The following TOMM20 variants were observed in gnomAD, a reference collection of about 807,000 sequenced individuals.
The protein encoded by TOMM20 is translocase of outer mitochondrial membrane 20.
TOMM20 carries 10 observed loss-of-function variants against 22.1 expected under a neutral mutation model. That is an observed-to-expected ratio of 0.45 (90% CI 0.28 to 0.77). TOMM20 has a LOEUF of 0.77. Among genes scored for constraint, TOMM20 ranks in the 30% least tolerant of loss-of-function variants. TOMM20 has a pLI of 0.13. For synonymous variants in TOMM20, 55 were observed against 61.4 expected (o/e 0.90, Z 0.49); for missense variants, 121 against 172.2 (o/e 0.70, Z 1.66).
At chr1:235,123,770 A>G (rs1244827039) in intron 1 of TOMM20, among the ~76,000 whole-genome samples, 1 of 152,244 alleles carries the variant, frequency 6.6e-6, no homozygotes, top group Non-Finnish European at 1.5e-5. Context: ...GGGAAAAAGG[A>G]TAAAGAACAT....
intron 3 of TOMM20, among the ~76,000 whole-genome samples, chr1:235,115,100 C>T (rs892908095): frequency 1.3e-5 from 2 of 151,724 alleles, no homozygotes; most frequent in Non-Finnish European, 2.9e-5. Flanking sequence ...TGGTCTCAAA[C>T]TCCTGGACTC....
At chr1:235,122,298 ATAATT>A in intron 2 of TOMM20, 23 bp downstream of exon 2, 2 of 1,466,620 alleles carry the variant, frequency 1.4e-6, no homozygotes, top group South Asian at 1.6e-5. Context: ...TACAAAATAT[ATAATT>A]TAAACAGAAA....
At chr1:235,122,237 C>T in intron 2 of TOMM20, 89 bp downstream of exon 2, 1 of 1,220,670 alleles carries the variant, frequency 8.2e-7, no homozygotes, top group Non-Finnish European at 1.1e-6. Flanking sequence ...CTAGCTTTTT[C>T]CAATTACATT....
At chr1:235,128,479 C>A in intron 1 of TOMM20, 116 bp downstream of exon 1, 2 of 1,526,722 alleles carry the variant, frequency 1.3e-6, no homozygotes, top group Non-Finnish European at 8.9e-7. Context: ...CTATTGAGGG[C>A]CGCACCACGC....
At chr1:235,118,248 C>T (rs1275494746) in intron 3 of TOMM20, among the ~76,000 whole-genome samples, 1 of 152,142 alleles carries the variant, frequency 6.6e-6, no homozygotes, top group East Asian at 1.9e-4. Context: ...ATAGCCAGAT[C>T]GTCGTAAGTG....
intron 1 of TOMM20, chr1:235,127,767 C>A: frequency 2.2e-6 from 1 of 454,452 alleles, no homozygotes; most frequent in South Asian, 1.6e-5. Context: ...CAACGGTTTT[C>A]ATGACACGAT....
At chr1:235,121,325 C>T (rs1412546337) in intron 2 of TOMM20, among the ~76,000 whole-genome samples, 1 of 152,158 alleles carries the variant, frequency 6.6e-6, no homozygotes, top group East Asian at 1.9e-4. Context: ...AAAGTGGAGA[C>T]ATCTTTCACA....
chr1:235,122,948 G>A (rs1274510773), intron 1 of TOMM20, among the ~76,000 whole-genome samples: 1 of 152,156 alleles, frequency 6.6e-6, no homozygotes, highest in Non-Finnish European at 1.5e-5. Flanking sequence ...TACACCTAAA[G>A]TGATAATCAC....
chr1:235,126,608 A>T lies in TOMM20; in HGVS notation c.121+1987T>A, dbSNP rs180807358. ...TCATGAAGTCAGGAGTTCGAGACCA[A>T]CCTGGCCAATATGGTGAAACCCTGT... On this transcript the variant is annotated intron_variant, in intron 1 of 4. Coordinates refer to ENST00000366607, the MANE Select transcript of TOMM20 (RefSeq NM_014765.3). Among the ~76,000 whole-genome samples, 651 of 151,732 alleles carry T rather than the reference A, an allele frequency of 4.3e-3. 4 individuals are homozygous for T. Among genetic ancestry groups the T allele is most frequent in the African/African-American group, 0.015 (629 of 41,418 alleles).
intron 1 of TOMM20, among the ~76,000 whole-genome samples, chr1:235,125,741 AC>A (rs1353261850): frequency 2.8e-5 from 4 of 145,074 alleles, no homozygotes; most frequent in Non-Finnish European, 4.5e-5. Context: ...ACGCAACTGC[AC>A]TTTTTTTTTT....
At chr1:235,114,143 T>C (rs1572126349) in intron 3 of TOMM20, among the ~76,000 whole-genome samples, 2 of 152,366 alleles carry the variant, frequency 1.3e-5, no homozygotes, top group East Asian at 3.9e-4. Flanking sequence ...AATCAATGTA[T>C]AAAAATGTCA....
At position 235,114,461 on chromosome 1, in the gene TOMM20, CAG is replaced by C. The variant is rs1258705531; in HGVS notation, c.251-553_251-552del. Among the ~76,000 whole-genome samples, 4 of 132,160 alleles carry C rather than the reference CAG, an allele frequency of 3.0e-5. No homozygotes were observed. In the East Asian group the frequency reaches 6.5e-4, roughly 21 times the overall value. The allele number at this position is 132,160 out of a possible 152,430, so 86.7% of individuals were successfully genotyped here. A position where few individuals can be genotyped will look rare whatever the true frequency, so the allele number is the denominator to read the frequency against. ...TTTCTTTTTTTTTTTTTTTTTGAGACAGAGTCTCGCTGTCACCCAGGCTGGAG... is the reference window on the plus strand; with the variant it reads ...TTTCTTTTTTTTTTTTTTTTTGAGACAGTCTCGCTGTCACCCAGGCTGGAG... On this transcript the variant is annotated intron_variant, in intron 3 of 4. Coordinates refer to ENST00000366607, the MANE Select transcript of TOMM20 (RefSeq NM_014765.3).
In TOMM20 at chr1:235,112,600, G is replaced by A. The variant is rs532930454; in HGVS notation, c.394-492C>T. ...GCTCAAATGAGTGCTAGGATTATAG[G>A]GCATGAGACACTGTGTACAGCCATC... On this transcript the variant is annotated intron_variant, in intron 4 of 4. Transcript: ENST00000366607. Among the ~76,000 whole-genome samples the A allele has an allele frequency of 2.6e-5, 4 of 152,046 alleles. No individual in the cohort carries two copies. In the South Asian group the frequency reaches 8.3e-4, roughly 32 times the overall value.
At chr1:235,113,375 C>T (rs577525047) in intron 4 of TOMM20, among the ~76,000 whole-genome samples, 2 of 152,232 alleles carry the variant, frequency 1.3e-5, no homozygotes, top group Admixed American at 1.3e-4. Context: ...CTAGAACCGA[C>T]GTTTAGGCCC....
At chr1:235,119,970 T>TA in intron 2 of TOMM20, 71 bp from the exon 3 acceptor site, 1 of 970,766 alleles carries the variant, frequency 1.0e-6, no homozygotes, top group South Asian at 2.1e-5. Context: ...CAGATATCAA[T>TA]AAAAATAAAA....
chr1:235,123,652 T>C (rs1660966144), intron 1 of TOMM20, among the ~76,000 whole-genome samples: 1 of 152,212 alleles, frequency 6.6e-6, no homozygotes, highest in Non-Finnish European at 1.5e-5. Context: ...ATTCTAGCCA[T>C]TTCAACAGAA....
Position 235,117,052 on chromosome 1 carries a change from A to G in TOMM20, c.250+2766T>C, listed in dbSNP as rs377288680. 2.5e-3 allele frequency among the ~76,000 whole-genome samples: 357 copies of G among 140,742 alleles called. 2 individuals carry two copies. Among genetic ancestry groups the G allele is most frequent in the African/African-American group, 7.9e-3 (297 of 37,806 alleles). 92.3% of individuals were successfully genotyped at this position (140,742 alleles called of 152,430 possible). A position where few individuals can be genotyped will look rare whatever the true frequency, so the allele number is the denominator to read the frequency against. On this transcript the variant is annotated intron_variant, in intron 3 of 4. Coordinates refer to ENST00000366607, the MANE Select transcript of TOMM20 (RefSeq NM_014765.3). ...CGGGAGGCTGAGGCAGGAGGATGAC[A>G]TGAACCAGGGAGGCAGAGCTTGCAG...
chr1:235,113,709 C>G, intron 4 of TOMM20, 59 bp downstream of exon 4: 1 of 1,541,458 alleles, frequency 6.5e-7, no homozygotes, highest in Non-Finnish European at 8.8e-7. Flanking sequence ...TTAAAATGTC[C>G]CTAATCATTC....
chr1:235,111,822 CATG>C lies in TOMM20; in HGVS notation c.*239_*241del, dbSNP rs1310162958. ...CTATGTTTCAGGAATAAACAAAATC[CATG>C]ATATTTTAGTAACTCATAGTGTATT... On this transcript the variant is annotated 3_prime_UTR_variant, in exon 5 of 5. Transcript: ENST00000366607. The C allele has an allele frequency of 4.6e-5, 20 of 430,380 alleles. No individual in the cohort carries two copies. Among genetic ancestry groups the C allele is most frequent in the African/African-American group, 4.2e-4 (20 of 48,042 alleles). 26.7% of individuals were successfully genotyped at this position (430,380 alleles called of 1,614,324 possible).
Sources: allele counts gnomAD v4.1 joint callset (sites outside exome capture counted in the v4.1 genomes callset), GRCh38; gene constraint gnomAD v4.1.1; transcripts MANE v1.5; gene names NCBI Gene and HGNC (gene_info 2026-07-23, HGNC 2026-07-21).